GRIA2: variants seen among roughly 807,000 people sequenced by gnomAD.
The protein encoded by GRIA2 is glutamate ionotropic receptor AMPA type subunit 2, also known as glutamate receptor 2.
Under a neutral mutation model 97.3 loss-of-function variants are expected in GRIA2, and 14 were observed. The observed-to-expected ratio is 0.14, with a 90% CI of 0.10 to 0.23. GRIA2 has a LOEUF of 0.23. Ranked by LOEUF, GRIA2 falls within the 10% of genes least tolerant of loss-of-function variation. The pLI is 1.00. For missense variants in GRIA2, 558 were observed against 1,069.8 expected (o/e 0.52, Z 6.67); for synonymous variants, 412 against 387.8 (o/e 1.06, Z -0.73).
chr4:157,311,093 C>T (rs1417128141), intron 3 of GRIA2, among the ~76,000 whole-genome samples: 2 of 151,892 alleles, frequency 1.3e-5, no homozygotes, highest in African/African-American at 4.8e-5. Context: ...ATATATTCAT[C>T]CATCATCTAT....
intron 2 of GRIA2, among the ~76,000 whole-genome samples, chr4:157,265,463 G>A (rs551858462): frequency 5.3e-4 from 81 of 152,192 alleles, no homozygotes; most frequent in Middle Eastern, 3.4e-3. Flanking sequence ...CCTGGGTTTC[G>A]AATTGCATGA....
intron 14 of GRIA2, chr4:157,362,521 AACTG>A (rs1244552237): frequency 1.8e-6 from 1 of 554,890 alleles, no homozygotes; most frequent in African/African-American, 1.9e-5. Flanking sequence ...TTATCACTGC[AACTG>A]ACATAGCCAG....
At chr4:157,311,270 TA>T in intron 3 of GRIA2, among the ~76,000 whole-genome samples, 1 of 152,184 alleles carries the variant, frequency 6.6e-6, no homozygotes, top group Non-Finnish European at 1.5e-5. Context: ...TTTTAAAACA[TA>T]ATTTCATAGA....
chr4:157,237,825 A>T (rs1437027196), intron 2 of GRIA2, among the ~76,000 whole-genome samples: 2 of 152,052 alleles, frequency 1.3e-5, no homozygotes, highest in Non-Finnish European at 2.9e-5. Flanking sequence ...TAAATAAAGG[A>T]TGTTATTATG....
At chr4:157,355,738 T>TTATATATATTAGTTATATA (rs1560780746) in intron 12 of GRIA2, among the ~76,000 whole-genome samples, 3 of 90,988 alleles carry the variant, frequency 3.3e-5, no homozygotes, top group African/African-American at 1.3e-4. Flanking sequence ...ATTTATATAT[T>TTATATATATTAGTTATATA]TATTTATATA....
At chr4:157,340,396 C>G (rs1735495310) in intron 11 of GRIA2, among the ~76,000 whole-genome samples, 1 of 151,878 alleles carries the variant, frequency 6.6e-6, no homozygotes, top group Non-Finnish European at 1.5e-5. Context: ...TTCTATATCT[C>G]TATACCTGTA....
intron 2 of GRIA2, among the ~76,000 whole-genome samples, chr4:157,233,403 G>A (rs1179938985): frequency 6.6e-6 from 1 of 152,000 alleles, no homozygotes; most frequent in Non-Finnish European, 1.5e-5. Context: ...AATATTTAAT[G>A]GAACTGAGCA....
chr4:157,236,299 G>T (rs1730243514), intron 2 of GRIA2, among the ~76,000 whole-genome samples: 1 of 151,828 alleles, frequency 6.6e-6, no homozygotes, highest in South Asian at 2.1e-4. Context: ...AATAAATATT[G>T]TCTTCTTTCA....
chr4:157,343,099 GCA>G (rs1217322593), intron 12 of GRIA2, among the ~76,000 whole-genome samples: 1 of 152,024 alleles, frequency 6.6e-6, no homozygotes, highest in African/African-American at 2.4e-5. Flanking sequence ...TTGTTTCAGT[GCA>G]CTAACTTCAT....
intron 2 of GRIA2, among the ~76,000 whole-genome samples, chr4:157,292,373 A>G (rs1733145478): frequency 6.6e-6 from 1 of 152,070 alleles, no homozygotes; most frequent in Non-Finnish European, 1.5e-5. Flanking sequence ...GGTTTTTACT[A>G]TTCATAATAT....
chr4:157,249,963 A>G (rs1224465646), intron 2 of GRIA2: 2 of 152,106 alleles, frequency 1.3e-5, no homozygotes, highest in Admixed American at 6.6e-5. Context: ...AAAAGCAATT[A>G]TATATTGTTT....
At chr4:157,349,157 C>A (rs1380610529) in intron 12 of GRIA2, among the ~76,000 whole-genome samples, 1 of 152,096 alleles carries the variant, frequency 6.6e-6, no homozygotes, top group African/African-American at 2.4e-5. Flanking sequence ...CCATCTATGG[C>A]TTAGTAATAT....
chr4:157,222,290 T>C (rs534192292), intron 2 of GRIA2, among the ~76,000 whole-genome samples: 1 of 152,270 alleles, frequency 6.6e-6, no homozygotes, highest in Admixed American at 6.5e-5. Context: ...TCTCGCCCGC[T>C]GCCCCCAGTT....
chr4:157,221,192 A>C, intron 1 of GRIA2, 62 bp downstream of exon 1: 1 of 872,458 alleles, frequency 1.1e-6, no homozygotes, highest in Non-Finnish European at 2.0e-6. Flanking sequence ...CTTTGTTCAC[A>C]GTGTACAAAT....
In GRIA2 at chr4:157,361,676, G is replaced by GA. The variant is rs1553959087; in HGVS notation, c.2406+558dup. On this transcript the variant is annotated intron_variant, in intron 14 of 15. Transcript: ENST00000264426. This position sits in a 1 kb window ranked among gnomAD's most constrained non-coding sequence, Gnocchi z 5.2. ...AGGTCAGTTGCTGCAGGTTTTATGT[G>GA]AAAAAACAAAATCAAACACAAACAG... 2.0e-6 allele frequency: 3 copies of GA among 1,532,556 alleles called. No individual in the cohort carries two copies. The highest frequency in any genetic ancestry group is 2.7e-6 in the Non-Finnish European group (3 of 1,107,656). 94.9% of individuals were successfully genotyped at this position (1,532,556 alleles called of 1,614,324 possible).
intron 12 of GRIA2, among the ~76,000 whole-genome samples, chr4:157,355,907 A>ATATATTAATATATTTATATATATATT (rs1560781043): frequency 3.2e-5 from 2 of 62,576 alleles, no homozygotes; most frequent in African/African-American, 9.7e-5. Flanking sequence ...ATATAAATAT[A>ATATATTAATATATTTATATATATATT]TATATATTAA....
chr4:157,270,096 A>G (rs1043440019), intron 2 of GRIA2, among the ~76,000 whole-genome samples: 4 of 152,188 alleles, frequency 2.6e-5, no homozygotes, highest in Admixed American at 2.6e-4. Context: ...TGTTTTCATA[A>G]TTAATTCAAA....
intron 6 of GRIA2, among the ~76,000 whole-genome samples, chr4:157,327,732 A>G (rs1734867301): frequency 6.6e-6 from 1 of 152,118 alleles, no homozygotes; most frequent in African/African-American, 2.4e-5. Context: ...TTTGTGTGGC[A>G]CTTTAAATAA....
At chr4:157,363,412 C>G (rs1736727695) in intron 15 of GRIA2, 23 bp from the exon 16 acceptor site, 1 of 1,238,596 alleles carries the variant, frequency 8.1e-7, no homozygotes, top group South Asian at 3.9e-5. Context: ...CTTTTTCTTT[C>G]TTTCCCTCCT....
Sources: gnomAD v4.1 joint callset for allele counts (sites outside exome capture counted in the v4.1 genomes callset) on GRCh38, gnomAD v4.1.1 for gene constraint, Gnocchi (gnomAD v3.1) non-coding constraint, MANE v1.5 for transcripts, NCBI Gene and HGNC (gene_info 2026-07-23, HGNC 2026-07-21) for gene names.